CTDP1: variants seen among roughly 807,000 people sequenced by gnomAD.
The protein encoded by CTDP1 is RNA polymerase II subunit A C-terminal domain phosphatase.
Under a neutral mutation model 91.8 loss-of-function variants are expected in CTDP1, and 47 were observed. The observed-to-expected ratio is 0.51, with a 90% CI of 0.41 to 0.65. The LOEUF (loss-of-function observed/expected upper bound fraction) is 0.65, where lower values mean the gene tolerates loss of function less well. Among genes scored for constraint, CTDP1 ranks in the 30% least tolerant of loss-of-function variants. CTDP1 has a pLI of 0.00. For missense variants in CTDP1, 1,272 were observed against 1,373.7 expected (o/e 0.93, Z 1.17); for synonymous variants, 656 against 598.5 (o/e 1.10, Z -1.40).
chr18:79,750,369 C>T (rs1001611502), intron 12 of CTDP1, among the ~76,000 whole-genome samples: 2 of 152,142 alleles, frequency 1.3e-5, no homozygotes, highest in African/African-American at 4.8e-5. Context: ...ACCCCTCACT[C>T]TCATGTAGCA....
rs371807442 is a variant in CTDP1, at chr18:79,704,608, G to A, written c.622-159G>A. ...TTCAGGACGCCTGTCTCAGGCACCCGTGTGTCTTCAGGACGCCTGTCGGGC... is the reference window on the plus strand; with the variant it reads ...TTCAGGACGCCTGTCTCAGGCACCCATGTGTCTTCAGGACGCCTGTCGGGC... On this transcript the variant is annotated intron_variant, in intron 4 of 12. Coordinates refer to ENST00000613122, the MANE Select transcript of CTDP1 (RefSeq NM_004715.5). Among the ~76,000 whole-genome samples the A allele has an allele frequency of 4.4e-3, 664 of 151,494 alleles. 3 individuals are homozygous for A. The highest frequency in any genetic ancestry group is 0.015 in the African/African-American group (592 of 40,764).
chr18:79,736,125 T>G, intron 11 of CTDP1: 1 of 598,764 alleles, frequency 1.7e-6, no homozygotes, highest in Non-Finnish European at 3.0e-6. Context: ...AACCCAATCT[T>G]TGCCTGCGAA....
At chr18:79,691,329 T>C (rs971265616) in intron 1 of CTDP1, among the ~76,000 whole-genome samples, 3 of 152,194 alleles carry the variant, frequency 2.0e-5, no homozygotes, top group Admixed American at 1.3e-4. Flanking sequence ...TTACACTCGC[T>C]CTTAGACCTG....
intron 7 of CTDP1, 32 bp from the exon 8 acceptor site, chr18:79,714,459 G>A: frequency 6.2e-7 from 1 of 1,607,248 alleles, no homozygotes; most frequent in South Asian, 1.1e-5. Flanking sequence ...ATGCTAAATT[G>A]CGGTAACTTT....
rs1471762829 is a variant in CTDP1, at chr18:79,714,477, G to A, written c.1031-14G>A. The stretch of plus-strand genomic sequence containing the variant: ...CTAAATTGCGGTAACTTTTCCTTTT[G>A]CATGCATATTTAGTAAATCATTCTC... On this transcript the variant is annotated splice_polypyrimidine_tract_variant and intron_variant, in intron 7 of 12. Transcript: ENST00000613122. 6.2e-7 allele frequency: 1 copy of A among 1,612,806 alleles called. No individual in the cohort carries two copies. Among genetic ancestry groups the A allele is most frequent in the Middle Eastern group, 1.6e-4 (1 of 6,062 alleles).
Position 79,713,196 on chromosome 18 carries a change from C to T in CTDP1, c.1030+58C>T. ...ATTCACATTTGCTTATTGTTTAGCT[C>T]TTCTTATTTCTTATCTCTGTTTTGA... On this transcript the variant is annotated intron_variant, in intron 7 of 12. Coordinates refer to ENST00000613122, the MANE Select transcript of CTDP1 (RefSeq NM_004715.5). This position sits in a 1 kb window ranked among gnomAD's most constrained non-coding sequence, Gnocchi z 4.7. 1 of 1,500,450 alleles carries T rather than the reference C, an allele frequency of 6.7e-7. No homozygotes were observed. Among genetic ancestry groups the T allele is most frequent in the Non-Finnish European group, 9.1e-7 (1 of 1,096,068 alleles). The allele number at this position is 1,500,450 out of a possible 1,614,324, so 92.9% of individuals were successfully genotyped here.
intron 12 of CTDP1, among the ~76,000 whole-genome samples, chr18:79,741,024 C>T (rs916441940): frequency 6.8e-6 from 1 of 147,976 alleles, no homozygotes; most frequent in African/African-American, 2.5e-5. Context: ...CTGAGGTCCC[C>T]CGTGCGGTTG....
Position 79,714,852 on chromosome 18 carries a change from C to T in CTDP1, c.1392C>T (p.Ser464=), listed in dbSNP as rs773179841. The change falls in exon 8 of 13, where the codon TCC becomes TCT. Residue 464 remains serine, a synonymous_variant. Coordinates refer to ENST00000613122, the MANE Select transcript of CTDP1 (RefSeq NM_004715.5). The part of the protein sequence containing the change: ...LSSDSESSSE[S]EGTKSSSSAS... ...GCGACAGCGAGAGCAGCAGTGAGTC[C>T]GAGGGCACGAAGTCCTCCTCCTCCG... The T allele has an allele frequency of 1.8e-5, 28 of 1,590,306 alleles. No homozygotes were observed. The Admixed American group carries it at 2.7e-4, about 15-fold the overall frequency.
chr18:79,737,313 G>C (rs937239351), intron 12 of CTDP1, among the ~76,000 whole-genome samples: 3 of 152,196 alleles, frequency 2.0e-5, no homozygotes, highest in African/African-American at 4.8e-5. Context: ...ACAGCTGCTT[G>C]GTTCTGAATC....
chr18:79,685,552 G>A (rs1283083982), intron 1 of CTDP1: 1 of 152,200 alleles, frequency 6.6e-6, no homozygotes, highest in African/African-American at 2.4e-5. Context: ...GTGCCACAGA[G>A]AAGCAGAAAA....
intron 2 of CTDP1, among the ~76,000 whole-genome samples, chr18:79,695,544 G>A (rs2085729303): frequency 1.3e-5 from 2 of 152,212 alleles, no homozygotes; most frequent in South Asian, 4.1e-4. Flanking sequence ...GGGCATGCTG[G>A]AGGGCCGAGA....
intron 11 of CTDP1, chr18:79,735,955 A>G (rs2086659115): frequency 4.7e-6 from 1 of 211,400 alleles, no homozygotes; most frequent in African/African-American, 2.3e-5. Flanking sequence ...CAGGATGGGA[A>G]GGACTGGGAC....
chr18:79,692,323 C>T (rs1026230196), intron 1 of CTDP1, among the ~76,000 whole-genome samples: 6 of 152,098 alleles, frequency 3.9e-5, no homozygotes, highest in Non-Finnish European at 7.4e-5. Flanking sequence ...GGTCGTCTGT[C>T]GGTCATACCT....
At position 79,690,971 on chromosome 18, in the gene CTDP1, A is replaced by G. The variant is rs180969563; in HGVS notation, c.315-4254A>G. Among the ~76,000 whole-genome samples the G allele has an allele frequency of 4.5e-3, 686 of 152,312 alleles. 8 individuals are homozygous for G. Among genetic ancestry groups the G allele is most frequent in the African/African-American group, 0.016 (658 of 41,578 alleles). On this transcript the variant is annotated intron_variant, in intron 1 of 12. Coordinates refer to ENST00000613122, the MANE Select transcript of CTDP1 (RefSeq NM_004715.5). ...AGCCTGCGGAGTGCTGCCTGCGTGC[A>G]CTGGGCGCAGGTGCCCTTGGCGTCA...
At chr18:79,729,622 G>A (rs114292574) in intron 11 of CTDP1, among the ~76,000 whole-genome samples, 3,290 of 152,324 alleles carry the variant, frequency 0.022, 121 homozygotes, top group African/African-American at 0.075. Context: ...TTTCTCAGCC[G>A]GGTCCTGCTT....
chr18:79,736,701 C>T (rs1391200937), intron 12 of CTDP1, among the ~76,000 whole-genome samples, 180 bp downstream of exon 12: 2 of 152,164 alleles, frequency 1.3e-5, no homozygotes, highest in African/African-American at 4.8e-5. Flanking sequence ...CCATGCTGAT[C>T]CATGTCATCT....
intron 12 of CTDP1, among the ~76,000 whole-genome samples, chr18:79,746,295 C>G (rs867442551): frequency 1.8e-4 from 17 of 96,170 alleles, no homozygotes; most frequent in Non-Finnish European, 2.2e-4. Context: ...CGCGTTCTGT[C>G]CCTGCGTCCC....
At chr18:79,691,373 A>G (rs2085617373) in intron 1 of CTDP1, among the ~76,000 whole-genome samples, 2 of 152,168 alleles carry the variant, frequency 1.3e-5, no homozygotes, top group Non-Finnish European at 2.9e-5. Context: ...TGGGCTTGCT[A>G]CCAGCCCTTC....
intron 1 of CTDP1, among the ~76,000 whole-genome samples, chr18:79,684,247 G>A (rs112160401): frequency 0.014 from 2,059 of 152,328 alleles, 19 homozygotes; most frequent in Non-Finnish European, 0.021. Flanking sequence ...ACAGTGCCGA[G>A]GAGCAGACTA....
Sources: allele counts gnomAD v4.1 joint callset (sites outside exome capture counted in the v4.1 genomes callset), GRCh38; gene constraint gnomAD v4.1.1; non-coding constraint Gnocchi (gnomAD v3.1); transcripts MANE v1.5; gene names NCBI Gene and HGNC (gene_info 2026-07-23, HGNC 2026-07-21).